The following PIK3C2B variants were observed in gnomAD, a reference collection of about 807,000 sequenced individuals.
PIK3C2B encodes phosphatidylinositol 4-phosphate 3-kinase C2 domain-containing subunit beta.
A neutral mutation model predicts 184.3 loss-of-function variants in PIK3C2B; 83 were observed. The ratio of observed to expected loss-of-function variants is 0.45; its 90% CI spans 0.38 to 0.54. The LOEUF (loss-of-function observed/expected upper bound fraction) is 0.54. Among genes scored for constraint, PIK3C2B ranks in the 20% least tolerant of loss-of-function variants. PIK3C2B has a pLI of 0.00. For synonymous variants in PIK3C2B, 779 were observed against 837.6 expected (o/e 0.93, Z 1.21); for missense variants, 1,736 against 2,113.5 (o/e 0.82, Z 3.50).
chr1:204,425,010 G>A lies in PIK3C2B; in HGVS notation c.4747C>T (p.Leu1583=), dbSNP rs1454300548. ...CTCAGCTGGAGCTCCCGCTGCTGCA[G>A]GTCACCCTTGGGGATCCCATCATAT... is the stretch of plus-strand genomic sequence containing the variant. ...LVYDGIPKGD[L]QQRELQLSVL... is the part of the protein sequence containing the mutation. Residue 1583 remains leucine, a synonymous_variant, in exon 33 of 33, where the codon CTG becomes TTG. Transcript: ENST00000684373. 6.2e-7 allele frequency: 1 copy of A among 1,613,970 alleles called. No homozygotes were observed.
Position 204,492,012 on chromosome 1 carries a change from T to G in PIK3C2B, c.-85+2344A>C, listed in dbSNP as rs180978029. 3.4e-3 allele frequency among the ~76,000 whole-genome samples: 512 copies of G among 152,320 alleles called. 1 individual carries two copies. Among genetic ancestry groups the G allele is most frequent in the Non-Finnish European group, 5.5e-3 (371 of 68,026 alleles). On this transcript the variant is annotated intron_variant, in intron 1 of 32. Transcript: ENST00000684373. ...ATACCCAAGGAATACAGCAGTTACC[T>G]TGGTATTGTCACACTACTCTTTCCT...
At chr1:204,493,893 A>T (rs969353508) in intron 1 of PIK3C2B, among the ~76,000 whole-genome samples, 23 of 152,162 alleles carry the variant, frequency 1.5e-4, no homozygotes, top group Non-Finnish European at 2.6e-4. Flanking sequence ...CCTCCGCCCG[A>T]CTAAGAAACG....
rs1674632501 is a variant in PIK3C2B, at chr1:204,424,332, A to T, written c.*520T>A. The T allele has an allele frequency of 4.7e-6, 1 of 212,446 alleles. No individual in the cohort carries two copies. The highest frequency in any genetic ancestry group is 5.3e-5 in the Admixed American group (1 of 18,872). 13.2% of individuals were successfully genotyped at this position (212,446 alleles called of 1,614,324 possible). A position where few individuals can be genotyped will look rare whatever the true frequency, so the allele number is the denominator to read the frequency against. On this transcript the variant is annotated 3_prime_UTR_variant, in exon 33 of 33. Coordinates refer to ENST00000684373, the MANE Select transcript of PIK3C2B (RefSeq NM_001377334.1). ...AGCTAGAAAACGAAACAACAACAAC[A>T]ATAACAAAAAAAAAAAACCTAGGGA...
rs1282686550 is a variant in PIK3C2B at position 204,424,331 on chromosome 1, C to T, written c.*521G>A. The T allele has an allele frequency of 1.9e-5, 4 of 209,070 alleles. No homozygotes were observed. Among genetic ancestry groups the T allele is most frequent in the South Asian group, 6.5e-5 (1 of 15,392 alleles). 13.0% of individuals were successfully genotyped at this position (209,070 alleles called of 1,614,324 possible). A position where few individuals can be genotyped will look rare whatever the true frequency, so the allele number is the denominator to read the frequency against. The stretch of plus-strand genomic sequence containing the variant: ...TAGCTAGAAAACGAAACAACAACAA[C>T]AATAACAAAAAAAAAAAACCTAGGG... On this transcript the variant is annotated 3_prime_UTR_variant, in exon 33 of 33. Transcript: ENST00000684373.
At position 204,464,104 on chromosome 1, in the gene PIK3C2B, G is replaced by A; in HGVS notation, c.1218C>T (p.Tyr406=). The stretch of plus-strand genomic sequence containing the variant: ...CATCATGGGTGTAGCACAGGGTCTG[G>A]TAGATAAGCAAGTCTACAGTGGAGG... The part of the protein sequence containing the change: ...NCSSTVDLLI[Y]QTLCYTHDDL... The change falls in exon 5 of 33, where the codon TAC becomes TAT. Residue 406 remains tyrosine, a synonymous_variant. Transcript: ENST00000684373. 6.2e-7 allele frequency: 1 copy of A among 1,614,104 alleles called. No homozygotes were observed. The highest frequency in any genetic ancestry group is 8.5e-7 in the Non-Finnish European group (1 of 1,179,956).
chr1:204,472,468 G>T (rs373681628), intron 1 of PIK3C2B, among the ~76,000 whole-genome samples: 1 of 151,114 alleles, frequency 6.6e-6, no homozygotes, highest in South Asian at 2.1e-4. Flanking sequence ...CGGCCCGACT[G>T]GGGGAAGTTT....
chr1:204,444,123 G>C lies in PIK3C2B; in HGVS notation c.2812C>G (p.Arg938Gly). Residue 938 changes from arginine to glycine, a missense_variant, in exon 18 of 33, where the codon CGC becomes GGC. Physicochemically the swap from Arg to Gly is moderately radical, Grantham distance 125. This residue lies in a region of PIK3C2B where 289 missense variants were observed against 380.4 expected (regional missense o/e 0.76). Coordinates refer to ENST00000684373, the MANE Select transcript of PIK3C2B (RefSeq NM_001377334.1). ...YECYLDSPLV[R>G]FLLKRAVSDL... ...GACACAGCTCGTTTCAGGAGGAAGC[G>C]CACCAACGGGCTGTCCAGGTAGCAT... The C allele has an allele frequency of 6.2e-7, 1 of 1,613,588 alleles. No individual in the cohort carries two copies. The highest frequency in any genetic ancestry group is 1.7e-5 in the Admixed American group (1 of 60,022).
rs757510058 is a variant in PIK3C2B, at chr1:204,456,045, A to G, written c.1754T>C (p.Val585Ala). The change falls in exon 11 of 33, where the codon GTC becomes GCC. Residue 585 changes from valine to alanine, a missense_variant. Transcript: ENST00000684373. The part of the protein sequence containing the change: ...VLAVRENREK[V>A]VEALTAAILD... ...GATGGCAGCGGTCAGGGCTTCCACG[A>G]CCTTCTCTGGGAAGGGAAGGGGTCA... is the stretch of plus-strand genomic sequence containing the variant. 5.0e-6 allele frequency: 8 copies of G among 1,612,262 alleles called. No homozygotes were observed. In the African/African-American group the frequency reaches 1.1e-4, roughly 22 times the overall value.
intron 26 of PIK3C2B, among the ~76,000 whole-genome samples, chr1:204,432,849 G>A (rs1675139971): frequency 6.6e-6 from 1 of 152,104 alleles, no homozygotes; most frequent in Non-Finnish European, 1.5e-5. Flanking sequence ...ATTATCTACA[G>A]GGACCACATT....
intron 13 of PIK3C2B, 119 bp downstream of exon 13, chr1:204,449,731 G>T: frequency 1.1e-6 from 1 of 899,430 alleles, no homozygotes; most frequent in Non-Finnish European, 1.7e-6. Flanking sequence ...GACTTCACCA[G>T]TGAGCCCCAC....
At chr1:204,448,689 A>G (rs554547563) in intron 14 of PIK3C2B, among the ~76,000 whole-genome samples, 1 of 151,630 alleles carries the variant, frequency 6.6e-6, no homozygotes, top group African/African-American at 2.4e-5. Flanking sequence ...GTCAACATTC[A>G]TACTCCATAC....
In PIK3C2B at chr1:204,481,325, T is replaced by C. The variant is rs191521986; in HGVS notation, c.-84-11439A>G. Among the ~76,000 whole-genome samples the C allele has an allele frequency of 9.2e-3, 1,345 of 146,192 alleles. 42 individuals are homozygous for C. Among genetic ancestry groups the C allele is most frequent in the Admixed American group, 0.059 (836 of 14,202 alleles). The stretch of plus-strand genomic sequence containing the variant: ...GCTCTGTCGCCCAGGCTGAGTGCAG[T>C]GGCGTGATCTCCGCTCACTGCAACC... On this transcript the variant is annotated intron_variant, in intron 1 of 32. Coordinates refer to ENST00000684373, the MANE Select transcript of PIK3C2B (RefSeq NM_001377334.1).
At chr1:204,443,746 T>G in intron 18 of PIK3C2B, 149 bp from the exon 19 acceptor site, 1 of 704,656 alleles carries the variant, frequency 1.4e-6, no homozygotes, top group Middle Eastern at 3.4e-4. Flanking sequence ...ACGGCTCATA[T>G]GGAGATGCTC....
chr1:204,483,167 A>G (rs6668637), intron 1 of PIK3C2B, among the ~76,000 whole-genome samples: 26,851 of 152,088 alleles, frequency 0.18, 2,586 homozygotes, highest in East Asian at 0.38. Flanking sequence ...CACAACTGCA[A>G]TCCCAGCATT....
chr1:204,442,181 C>A (rs1675701915), intron 20 of PIK3C2B, among the ~76,000 whole-genome samples: 1 of 152,202 alleles, frequency 6.6e-6, no homozygotes, highest in South Asian at 2.1e-4. Flanking sequence ...CCTAATCTCT[C>A]TCTTATTTTA....
At position 204,434,068 on chromosome 1, in the gene PIK3C2B, G is replaced by A. The variant is rs534382688; in HGVS notation, c.3687-119C>T. 6 of 769,678 alleles carry A rather than the reference G, an allele frequency of 7.8e-6. No individual in the cohort carries two copies. In the East Asian group the frequency reaches 9.9e-5, roughly 13 times the overall value. The allele number at this position is 769,678 out of a possible 1,614,324, so 47.7% of individuals were successfully genotyped here. A position where few individuals can be genotyped will look rare whatever the true frequency, so the allele number is the denominator to read the frequency against. On this transcript the variant is annotated intron_variant, in intron 24 of 32. Transcript: ENST00000684373. ...TCACGTGGACACACTGGATAGAAGG[G>A]GCTCTAACTTTTTTCTTTGTTCCTT...
chr1:204,424,753 A>C lies in PIK3C2B; in HGVS notation c.*99T>G. The C allele has an allele frequency of 8.0e-7, 1 of 1,257,406 alleles. No individual in the cohort carries two copies. Among genetic ancestry groups the C allele is most frequent in the Admixed American group, 1.7e-5 (1 of 59,558 alleles). The allele number at this position is 1,257,406 out of a possible 1,614,324, so 77.9% of individuals were successfully genotyped here. On this transcript the variant is annotated 3_prime_UTR_variant, in exon 33 of 33. Coordinates refer to ENST00000684373, the MANE Select transcript of PIK3C2B (RefSeq NM_001377334.1). Reference sequence around the variant, plus strand: ...CCTGGACCGAGCTGGAGGCCTGCCCAGGGCCCTGGCCCTTCACAAGGAGGA... The same window carrying C: ...CCTGGACCGAGCTGGAGGCCTGCCCCGGGCCCTGGCCCTTCACAAGGAGGA...
rs774332386 is a variant in PIK3C2B, at chr1:204,444,290, G to T, written c.2772+41C>A. 3.2e-6 allele frequency: 5 copies of T among 1,544,566 alleles called. No individual in the cohort carries two copies. The South Asian group carries it at 4.5e-5, about 14-fold the overall frequency. On this transcript the variant is annotated intron_variant, in intron 17 of 32. Coordinates refer to ENST00000684373, the MANE Select transcript of PIK3C2B (RefSeq NM_001377334.1). ...ATGCAGACTCACTTGGGATACTGGG[G>T]ATGGGACCAGCAAAACTGGAGGGAG...
At chr1:204,430,273 C>G (rs966602058) in intron 28 of PIK3C2B, among the ~76,000 whole-genome samples, 3 of 152,140 alleles carry the variant, frequency 2.0e-5, no homozygotes, top group African/African-American at 7.2e-5. Context: ...ACAAGAAAAC[C>G]AAACAGCAGG....
Sources: allele counts gnomAD v4.1 joint callset (sites outside exome capture counted in the v4.1 genomes callset), GRCh38; gene constraint gnomAD v4.1.1; regional missense constraint gnomAD v4.1.1; transcripts MANE v1.5; gene names NCBI Gene and HGNC (gene_info 2026-07-23, HGNC 2026-07-21).